Variants in AKAP6 observed in about 807,000 individuals in gnomAD.
AKAP6 encodes A-kinase anchor protein 6.
AKAP6 carries 58 observed loss-of-function variants against 188.5 expected under a neutral mutation model. The ratio of observed to expected loss-of-function variants is 0.31; its 90% CI spans 0.25 to 0.38. The LOEUF (loss-of-function observed/expected upper bound fraction) is 0.38. AKAP6 is among the 10% of genes least tolerant of loss of function. AKAP6 has a pLI of 1.00. For synonymous variants in AKAP6, 989 were observed against 998.6 expected (o/e 0.99, Z 0.18); for missense variants, 2,710 against 2,740.0 (o/e 0.99, Z 0.24).
chr14:32,532,756 A>G (rs1882479725), intron 2 of AKAP6, among the ~76,000 whole-genome samples: 1 of 152,216 alleles, frequency 6.6e-6, no homozygotes, highest in South Asian at 2.1e-4. Context: ...GACAGAGGCT[A>G]ACAAATCTGA....
At chr14:32,596,690 A>G (rs1885716944) in intron 5 of AKAP6, among the ~76,000 whole-genome samples, 1 of 152,172 alleles carries the variant, frequency 6.6e-6, no homozygotes, top group African/African-American at 2.4e-5. Context: ...CTGCATTTTC[A>G]GGGAGTGCTA....
chr14:32,650,621 A>T (rs1888178646), intron 7 of AKAP6, among the ~76,000 whole-genome samples: 1 of 152,126 alleles, frequency 6.6e-6, no homozygotes, highest in South Asian at 2.1e-4. Flanking sequence ...AAAATAAAAA[A>T]ATAAAAATAA....
intron 11 of AKAP6, among the ~76,000 whole-genome samples, chr14:32,744,841 A>G (rs752432059): frequency 6.6e-6 from 1 of 151,906 alleles, no homozygotes; most frequent in African/African-American, 2.4e-5. Flanking sequence ...ATATTTTCAA[A>G]TAGTCTGTCT....
At chr14:32,456,003 T>TA (rs1312279452) in intron 2 of AKAP6, among the ~76,000 whole-genome samples, 1 of 141,086 alleles carries the variant, frequency 7.1e-6, no homozygotes. Flanking sequence ...AACCTGGTGA[T>TA]TTTTTTAAGA....
intron 2 of AKAP6, among the ~76,000 whole-genome samples, chr14:32,485,441 C>T (rs1879630385): frequency 6.6e-6 from 1 of 152,070 alleles, no homozygotes; most frequent in Non-Finnish European, 1.5e-5. Flanking sequence ...AGTGTAAAAG[C>T]ATTCCTATTT....
intron 9 of AKAP6, among the ~76,000 whole-genome samples, chr14:32,720,131 A>G (rs2030454520): frequency 6.6e-6 from 1 of 152,216 alleles, no homozygotes; most frequent in Admixed American, 6.5e-5. Context: ...AAAACAACAA[A>G]CAGCAATTCA....
In AKAP6 at chr14:32,477,814, A is replaced by G. The variant is rs79339490; in HGVS notation, c.324+43997A>G. Among the ~76,000 whole-genome samples the G allele has an allele frequency of 1.1e-3, 163 of 152,266 alleles. 4 individuals carry two copies. The East Asian group carries it at 0.025, about 24-fold the overall frequency. ...CTGTCTGGGTTCAGATTCCAGCTCC[A>G]TTTCTTACAGGGTTACATAAAGCAG... On this transcript the variant is annotated intron_variant, in intron 2 of 13. Transcript: ENST00000280979.
In AKAP6 at chr14:32,595,028, A is replaced by AT. The variant is rs200128855; in HGVS notation, c.2470-4376dup. On this transcript the variant is annotated intron_variant, in intron 5 of 13. Transcript: ENST00000280979. ...CTTAAAAAGACAGAAGATTTTCTCCATTTTTTCTTCTATTCACTTAGAAGG... is the reference window on the plus strand; with the variant it reads ...CTTAAAAAGACAGAAGATTTTCTCCATTTTTTTCTTCTATTCACTTAGAAGG... Among the ~76,000 whole-genome samples the AT allele has an allele frequency of 4.2e-3, 633 of 152,202 alleles. 3 individuals carry two copies. Among genetic ancestry groups the AT allele is most frequent in the African/African-American group, 0.012 (519 of 41,542 alleles).
At chr14:32,379,265 C>T (rs78037348) in intron 1 of AKAP6, among the ~76,000 whole-genome samples, 4,208 of 152,192 alleles carry the variant, frequency 0.028, 109 homozygotes, top group Middle Eastern at 0.051. Context: ...CTTCAGACTA[C>T]TTAGTTTTTT....
chr14:32,808,048 T>C (rs1178172126), intron 12 of AKAP6, among the ~76,000 whole-genome samples: 2 of 152,238 alleles, frequency 1.3e-5, no homozygotes, highest in Admixed American at 6.5e-5. Context: ...AAAGAATTTT[T>C]AATTTGGTGT....
intron 8 of AKAP6, among the ~76,000 whole-genome samples, chr14:32,684,434 G>A (rs532741484): frequency 2.8e-4 from 42 of 152,214 alleles, no homozygotes; most frequent in Non-Finnish European, 5.1e-4. Flanking sequence ...TGAGGAGTAC[G>A]GTTGACTATT....
At chr14:32,383,087 A>ATGTG (rs3031402) in intron 1 of AKAP6, among the ~76,000 whole-genome samples, 505 of 143,262 alleles carry the variant, frequency 3.5e-3, no homozygotes, top group Middle Eastern at 6.9e-3. Flanking sequence ...GGCAGATTTT[A>ATGTG]TGTGTGTGTG....
In AKAP6 at chr14:32,567,227, C is replaced by A. The variant is rs77747996; in HGVS notation, c.2347-9893C>A. 6.4e-3 allele frequency among the ~76,000 whole-genome samples: 975 copies of A among 152,254 alleles called. 8 individuals are homozygous for A. Among genetic ancestry groups the A allele is most frequent in the African/African-American group, 0.022 (916 of 41,552 alleles). On this transcript the variant is annotated intron_variant, in intron 4 of 13. Coordinates refer to ENST00000280979, the MANE Select transcript of AKAP6 (RefSeq NM_004274.5). ...TGAGCCACCGTGCCCAGCCTACTTACCTTTTCTGAGCATCAGATTCCTCAT... is the reference window on the plus strand; with the variant it reads ...TGAGCCACCGTGCCCAGCCTACTTAACTTTTCTGAGCATCAGATTCCTCAT...
At chr14:32,577,360 A>C (rs1884775716) in intron 5 of AKAP6, 118 bp downstream of exon 5, 15 of 1,298,170 alleles carry the variant, frequency 1.2e-5, no homozygotes, top group African/African-American at 1.5e-5. Context: ...CAATGAAACC[A>C]AATTTTAATG....
chr14:32,400,808 T>C (rs1422234031), intron 1 of AKAP6, among the ~76,000 whole-genome samples: 2 of 152,174 alleles, frequency 1.3e-5, no homozygotes, highest in Non-Finnish European at 2.9e-5. Flanking sequence ...GCTTCAACTC[T>C]AGAGATTCTG....
chr14:32,821,487 G>A lies in AKAP6; in HGVS notation c.3674G>A (p.Ser1225Asn). The change falls in exon 13 of 14, where the codon AGT becomes AAT. Residue 1225 changes from serine (S) to asparagine (N), a missense_variant. Transcript: ENST00000280979. Reference protein sequence around the residue: ...DALEWDEMDISNKLISLNEES... With the variant: ...DALEWDEMDINNKLISLNEES... ...CTGGAATGGGATGAAATGGACATAA[G>A]TAACAAGTTAATTAGTTTGAATGAG... 6.2e-7 allele frequency: 1 copy of A among 1,613,700 alleles called. No homozygotes were observed. The highest frequency in any genetic ancestry group is 8.5e-7 in the Non-Finnish European group (1 of 1,179,762).
chr14:32,435,621 G>A (rs558197976), intron 2 of AKAP6, among the ~76,000 whole-genome samples: 16 of 152,338 alleles, frequency 1.1e-4, no homozygotes, highest in Non-Finnish European at 2.1e-4. Context: ...GCTGAGAAAG[G>A]AGCCCCAGGA....
rs1178818552 is a variant in AKAP6 at position 32,348,419 on chromosome 14, T to TTC, written c.-35+19012_-35+19013insCT. ...GGGTTCTTTCTTTTCTTTTGTTTCT[T>TTC]TTTTTTTTTTTTTTTTAAGAGTTTT... On this transcript the variant is annotated intron_variant, in intron 1 of 13. Coordinates refer to ENST00000280979, the MANE Select transcript of AKAP6 (RefSeq NM_004274.5). Among the ~76,000 whole-genome samples, 55 of 93,106 alleles carry TTC rather than the reference T, an allele frequency of 5.9e-4. 1 individual carries two copies. The East Asian group carries it at 7.6e-3, about 13-fold the overall frequency. The allele number at this position is 93,106 out of a possible 152,430, so 61.1% of individuals were successfully genotyped here. A position where few individuals can be genotyped will look rare whatever the true frequency, so the allele number is the denominator to read the frequency against.
At chr14:32,614,354 G>C (rs191684210) in intron 7 of AKAP6, among the ~76,000 whole-genome samples, 2 of 152,276 alleles carry the variant, frequency 1.3e-5, no homozygotes, top group Admixed American at 1.3e-4. Flanking sequence ...AGGTAGAAGA[G>C]TTTGAAGATG....
Sources: allele counts gnomAD v4.1 joint callset (sites outside exome capture counted in the v4.1 genomes callset), GRCh38; gene constraint gnomAD v4.1.1; transcripts MANE v1.5; gene names NCBI Gene and HGNC (gene_info 2026-07-23, HGNC 2026-07-21).